DGKB: variants seen among roughly 807,000 people sequenced by gnomAD.
DGKB encodes 90 kDa diacylglycerol kinase.
Under a neutral mutation model 114.3 loss-of-function variants are expected in DGKB, and 67 were observed. The observed-to-expected ratio is 0.59, with a 90% CI of 0.48 to 0.72. The LOEUF (loss-of-function observed/expected upper bound fraction) is 0.72, where lower values mean the gene tolerates loss of function less well. Among genes scored for constraint, DGKB ranks in the 30% least tolerant of loss-of-function variants. The pLI, the probability that DGKB is intolerant of heterozygous loss-of-function variation, is 0.00. For synonymous variants in DGKB, 398 were observed against 323.1 expected (o/e 1.23, Z -2.49); for missense variants, 907 against 975.2 (o/e 0.93, Z 0.93).
At chr7:14,544,632 G>A (rs1225641355) in intron 20 of DGKB, among the ~76,000 whole-genome samples, 3 of 151,960 alleles carry the variant, frequency 2.0e-5, no homozygotes, top group African/African-American at 7.2e-5. Flanking sequence ...AAACAATTTA[G>A]GTTATTATTT....
intron 23 of DGKB, among the ~76,000 whole-genome samples, chr7:14,275,538 T>C (rs898785148): frequency 6.6e-6 from 1 of 152,120 alleles, no homozygotes; most frequent in African/African-American, 2.4e-5. Context: ...TTGCAACATG[T>C]GGGAATGAGT....
chr7:14,673,204 C>G (rs1363904534), intron 12 of DGKB, among the ~76,000 whole-genome samples, 177 bp from the exon 13 acceptor site: 1 of 151,976 alleles, frequency 6.6e-6, no homozygotes, highest in East Asian at 1.9e-4. Context: ...TATATGAACC[C>G]TAAATAAACC....
chr7:14,304,087 A>ACACACACACACACACACTCTCT (rs140836395), intron 23 of DGKB, among the ~76,000 whole-genome samples: 2,374 of 109,928 alleles, frequency 0.022, 40 homozygotes, highest in Non-Finnish European at 0.026. Flanking sequence ...ACACACACAC[A>ACACACACACACACACACTCTCT]CTCTCTCTCT....
At chr7:14,217,079 T>A (rs1050853712) in intron 23 of DGKB, among the ~76,000 whole-genome samples, 1 of 152,094 alleles carries the variant, frequency 6.6e-6, no homozygotes, top group Non-Finnish European at 1.5e-5. Flanking sequence ...GAAAGCCACT[T>A]CATTCCCTGG....
chr7:14,563,749 C>T (rs1265377656), intron 20 of DGKB, among the ~76,000 whole-genome samples: 1 of 150,548 alleles, frequency 6.6e-6, no homozygotes, highest in East Asian at 2.0e-4. Flanking sequence ...TTTATGTAAT[C>T]TGCACATTAG....
At position 14,277,578 on chromosome 7, in the gene DGKB, G is replaced by A. The variant is rs533248819; in HGVS notation, c.2122+60937C>T. 1.9e-3 allele frequency among the ~76,000 whole-genome samples: 292 copies of A among 152,280 alleles called. 3 individuals are homozygous for A. The highest frequency in any genetic ancestry group is 6.5e-3 in the African/African-American group (272 of 41,554). On this transcript the variant is annotated intron_variant, in intron 23 of 25. Coordinates refer to ENST00000402815, the MANE Select transcript of DGKB (RefSeq NM_001350709.2). ...CATAATGTCTTCCAGCTTCATTCAT[G>A]TTGTTACTAATGTCAGCGTTTCCCT...
chr7:14,960,570 T>C (rs1390793264), intron 1 of DGKB, among the ~76,000 whole-genome samples: 1 of 151,978 alleles, frequency 6.6e-6, no homozygotes, highest in Non-Finnish European at 1.5e-5. Flanking sequence ...TATATAAATA[T>C]AAGCTCCTGT....
chr7:14,230,991 CA>C, intron 23 of DGKB, among the ~76,000 whole-genome samples: 1 of 151,984 alleles, frequency 6.6e-6, no homozygotes, highest in East Asian at 1.9e-4. Context: ...TGTGATCTTC[CA>C]GGAGGACAAG....
At chr7:14,279,183 A>T (rs904545497) in intron 23 of DGKB, among the ~76,000 whole-genome samples, 1 of 152,176 alleles carries the variant, frequency 6.6e-6, no homozygotes, top group Non-Finnish European at 1.5e-5. Context: ...TGGGCTTAAA[A>T]AATGGCGCAC....
chr7:14,354,674 C>T (rs571663330), intron 21 of DGKB, among the ~76,000 whole-genome samples: 1 of 152,210 alleles, frequency 6.6e-6, no homozygotes, highest in African/African-American at 2.4e-5. Flanking sequence ...ATTGACCAGG[C>T]CTTCCAAAGG....
intron 13 of DGKB, among the ~76,000 whole-genome samples, chr7:14,644,513 C>T (rs183420428): frequency 2.6e-5 from 4 of 152,142 alleles, no homozygotes; most frequent in African/African-American, 7.2e-5. Flanking sequence ...AGAAATTCAA[C>T]AAAGATGTCC....
chr7:14,232,324 G>C (rs1305602702), intron 23 of DGKB, among the ~76,000 whole-genome samples: 1 of 150,914 alleles, frequency 6.6e-6, no homozygotes, highest in South Asian at 2.1e-4. Flanking sequence ...TTAGGCAAAA[G>C]GCTGCCCTGC....
rs1369239302 is a variant in DGKB, at chr7:14,170,145, A to AAAAAGAAAGAAAGAAAGAAAG, written c.2304+6693_2304+6694insCTTTCTTTCTTTCTTTCTTTT. On this transcript the variant is annotated intron_variant, in intron 25 of 25. Transcript: ENST00000402815. ...GAGAAACTCCATCTCAAAAAAAAAA[A>AAAAAGAAAGAAAGAAAGAAAG]AAAGAAAGAAAGAAAGAAAGAAAGA... 7.0e-5 allele frequency among the ~76,000 whole-genome samples: 7 copies of AAAAAGAAAGAAAGAAAGAAAG among 100,002 alleles called. No homozygotes were observed. In the East Asian group the frequency reaches 1.3e-3, roughly 18 times the overall value. 65.6% of individuals were successfully genotyped at this position (100,002 alleles called of 152,430 possible).
At chr7:14,753,995 T>G in intron 3 of DGKB, 47 bp from the exon 4 acceptor site, 2 of 1,250,126 alleles carry the variant, frequency 1.6e-6, no homozygotes, top group Non-Finnish European at 2.3e-6. Context: ...TGTAAGATAC[T>G]TTATACTCAT....
intron 2 of DGKB, among the ~76,000 whole-genome samples, chr7:14,822,211 AGGAGAGGTTTGGGTTAGAAATATACATTT>A (rs1002651727): frequency 1.3e-5 from 2 of 152,132 alleles, no homozygotes; most frequent in African/African-American, 4.8e-5. Flanking sequence ...TGAAATTGAG[AGGAGAGGTTTGGGTTAGAAATATACATTT>A]GGAAGTCATT....
chr7:14,741,076 C>T (rs1832522145), intron 4 of DGKB, among the ~76,000 whole-genome samples: 1 of 152,100 alleles, frequency 6.6e-6, no homozygotes, highest in South Asian at 2.1e-4. Context: ...CTTTGTCCCC[C>T]TTGGTCCTCT....
intron 21 of DGKB, among the ~76,000 whole-genome samples, chr7:14,446,092 A>C (rs1830690487): frequency 6.6e-6 from 1 of 152,090 alleles, no homozygotes; most frequent in South Asian, 2.1e-4. Context: ...CTTTCTCCAA[A>C]TACTTCTTGC....
chr7:14,820,372 T>C (rs1009149502), intron 2 of DGKB, among the ~76,000 whole-genome samples: 1 of 152,174 alleles, frequency 6.6e-6, no homozygotes, highest in Non-Finnish European at 1.5e-5. Flanking sequence ...GCTTGTGCCA[T>C]AGTGTATTGT....
chr7:14,961,575 CCTT>C (rs1346284540), intron 1 of DGKB, among the ~76,000 whole-genome samples: 52 of 152,240 alleles, frequency 3.4e-4, no homozygotes, highest in African/African-American at 1.3e-3. Context: ...CCTATCAGCT[CCTT>C]CTGTTTCATC....
Sources: allele counts gnomAD v4.1 joint callset (sites outside exome capture counted in the v4.1 genomes callset), GRCh38; gene constraint gnomAD v4.1.1; transcripts MANE v1.5; gene names NCBI Gene and HGNC (gene_info 2026-07-23, HGNC 2026-07-21).